Variants in CD109 observed in about 807,000 individuals in gnomAD.
The protein encoded by CD109 is CD109 molecule, also known as CD109 antigen.
In CD109, 149 loss-of-function variants were observed where a neutral mutation model predicts 165.8. The ratio of observed to expected loss-of-function variants is 0.90; its 90% CI spans 0.79 to 1.03. The LOEUF (loss-of-function observed/expected upper bound fraction) is 1.03. Among genes scored for constraint, CD109 ranks in the 50% least tolerant of loss-of-function variants. The pLI, the probability that CD109 is intolerant of heterozygous loss-of-function variation, is 0.00. For synonymous variants in CD109, 585 were observed against 592.1 expected (o/e 0.99, Z 0.18); for missense variants, 1,712 against 1,677.8 (o/e 1.02, Z -0.36).
intron 15 of CD109, among the ~76,000 whole-genome samples, chr6:73,772,627 T>G (rs1323770061): frequency 6.6e-6 from 1 of 151,568 alleles, no homozygotes; most frequent in Non-Finnish European, 1.5e-5. Flanking sequence ...TATATGAACA[T>G]CTAGCATTGC....
At chr6:73,698,846 A>G (rs1770953736) in intron 2 of CD109, among the ~76,000 whole-genome samples, 1 of 152,210 alleles carries the variant, frequency 6.6e-6, no homozygotes, top group African/African-American at 2.4e-5. Context: ...CTTTGCTACT[A>G]GTTGTATGAT....
chr6:73,722,756 T>C (rs1772005871), intron 2 of CD109, among the ~76,000 whole-genome samples: 2 of 152,186 alleles, frequency 1.3e-5, no homozygotes, highest in Admixed American at 6.5e-5. Flanking sequence ...AGCAGTCCTA[T>C]GTATAGAAAC....
At chr6:73,791,136 CATATATATATATATATATATATATAT>C (rs61429872) in intron 22 of CD109, among the ~76,000 whole-genome samples, 1,107 of 56,350 alleles carry the variant, frequency 0.02, 90 homozygotes, top group South Asian at 0.029. Flanking sequence ...TACATACATA[CATATATATATATATATATATATATAT>C]ATATATATAT....
intron 2 of CD109, among the ~76,000 whole-genome samples, chr6:73,701,643 C>G (rs1180985883): frequency 6.6e-6 from 1 of 152,144 alleles, no homozygotes; most frequent in Non-Finnish European, 1.5e-5. Context: ...TTTATTTTCC[C>G]TTCTCTTGCT....
intron 31 of CD109, 93 bp downstream of exon 31, chr6:73,818,628 T>C: frequency 8.2e-7 from 1 of 1,222,814 alleles, no homozygotes; most frequent in South Asian, 1.4e-5. Context: ...CTTTAATTCA[T>C]TGTTATTTCA....
At position 73,783,785 on chromosome 6, in the gene CD109, T is replaced by G. The variant is rs1328044858; in HGVS notation, c.2184T>G (p.Ser728=). ...TSWVATGFVI[S]EDLGLGLTTT... ...GGGTGGCTACTGGTTTTGTGATCTCTGAGGACCTGGGTCTTGGACTAACAA... is the reference window on the plus strand; with the variant it reads ...GGGTGGCTACTGGTTTTGTGATCTCGGAGGACCTGGGTCTTGGACTAACAA... Residue 728 remains serine, a synonymous_variant, in exon 19 of 33, where the codon TCT becomes TCG. Coordinates refer to ENST00000287097, the MANE Select transcript of CD109 (RefSeq NM_133493.5). 1.2e-6 allele frequency: 2 copies of G among 1,612,220 alleles called. No homozygotes were observed. Among genetic ancestry groups the G allele is most frequent in the Admixed American group, 3.3e-5 (2 of 59,982 alleles).
the CD109 span, among the ~76,000 whole-genome samples, chr6:73,683,691 C>A: frequency 2.0e-5 from 3 of 152,060 alleles, no homozygotes; most frequent in East Asian, 3.9e-4. Context: ...GGGCAATTTA[C>A]AAAAGAAAGA....
upstream of CD109, chr6:73,696,088 C>A: frequency 1.2e-6 from 1 of 845,448 alleles, no homozygotes; most frequent in Non-Finnish European, 1.9e-6. Context: ...CTGTTAGGCG[C>A]GCCCATTTCA....
At chr6:73,738,825 C>T (rs1772642620) in intron 5 of CD109, among the ~76,000 whole-genome samples, 2 of 152,218 alleles carry the variant, frequency 1.3e-5, no homozygotes, top group African/African-American at 4.8e-5. Context: ...AGCCTTTCAT[C>T]ATGCTGTTCC....
rs758558743 is a variant in CD109, at chr6:73,762,415, G to A, written c.790G>A (p.Val264Ile). 1.1e-5 allele frequency: 18 copies of A among 1,610,808 alleles called. No homozygotes were observed. In the East Asian group the frequency reaches 2.2e-4, roughly 20 times the overall value. Residue 264 changes from valine (V) to isoleucine (I), a missense_variant, in exon 8 of 33, where the codon GTA (valine) becomes ATA (isoleucine). Coordinates refer to ENST00000287097, the MANE Select transcript of CD109 (RefSeq NM_133493.5). ...YTYGKPVKGDVTLTFLPLSFW... is the reference protein window; with the variant it reads ...YTYGKPVKGDITLTFLPLSFW... ...ATATGGGAAGCCAGTGAAAGGAGAC[G>A]TAACGCTTACATTTTTACCTTTATC... is the stretch of plus-strand genomic sequence containing the variant.
At chr6:73,708,721 G>T (rs1771402437) in intron 2 of CD109, among the ~76,000 whole-genome samples, 1 of 152,144 alleles carries the variant, frequency 6.6e-6, no homozygotes, top group African/African-American at 2.4e-5. Context: ...TCTCATTGTG[G>T]TTTTGATTTG....
intron 7 of CD109, among the ~76,000 whole-genome samples, chr6:73,761,831 T>C (rs1180883059): frequency 6.6e-6 from 1 of 152,010 alleles, no homozygotes; most frequent in East Asian, 1.9e-4. Context: ...AGGATCACCG[T>C]TTATTAAAGA....
rs554095035 is a variant in CD109 at position 73,788,043 on chromosome 6, A to G, written c.2557-425A>G. On this transcript the variant is annotated intron_variant, in intron 21 of 32. Transcript: ENST00000287097. ...GGCCAGTCCATGAGATGCCTTATCTAATTTAACTAGAACTTACTAACAGAT... is the reference window on the plus strand; with the variant it reads ...GGCCAGTCCATGAGATGCCTTATCTGATTTAACTAGAACTTACTAACAGAT... Among the ~76,000 whole-genome samples the G allele has an allele frequency of 2.6e-5, 4 of 152,292 alleles. No individual in the cohort carries two copies. In the East Asian group the frequency reaches 7.7e-4, roughly 29 times the overall value.
intron 23 of CD109, among the ~76,000 whole-genome samples, chr6:73,798,205 C>G (rs903741462): frequency 1.3e-5 from 2 of 151,602 alleles, no homozygotes; most frequent in Non-Finnish European, 2.9e-5. Context: ...ACCTCCGCCT[C>G]CCAGGTTCAA....
chr6:73,769,963 A>T (rs932609665), intron 14 of CD109, among the ~76,000 whole-genome samples: 3 of 152,230 alleles, frequency 2.0e-5, no homozygotes, highest in Non-Finnish European at 4.4e-5. Flanking sequence ...AGAGATGATA[A>T]ACTCAACTCT....
upstream of CD109, chr6:73,694,500 T>C (rs1284138936): frequency 6.6e-6 from 1 of 152,260 alleles, no homozygotes; most frequent in Non-Finnish European, 1.5e-5. Flanking sequence ...GTCCCTCTTA[T>C]GTTTGCCTAC....
At chr6:73,716,321 T>C (rs1771743721) in intron 2 of CD109, among the ~76,000 whole-genome samples, 1 of 152,220 alleles carries the variant, frequency 6.6e-6, no homozygotes, top group South Asian at 2.1e-4. Context: ...GATTGTATGG[T>C]AGCTCTATTT....
rs138927735 is a variant in CD109 at position 73,777,430 on chromosome 6, A to G, written c.1828-2994A>G. 6.4e-3 allele frequency among the ~76,000 whole-genome samples: 973 copies of G among 152,006 alleles called. 7 individuals carry two copies. Among genetic ancestry groups the G allele is most frequent in the African/African-American group, 0.022 (913 of 41,442 alleles). ...TCACTGTGCAGATCTCTTTCATTTAATTTGATCCCATTTGTCAATTTTTGC... is the reference window on the plus strand; with the variant it reads ...TCACTGTGCAGATCTCTTTCATTTAGTTTGATCCCATTTGTCAATTTTTGC... On this transcript the variant is annotated intron_variant, in intron 15 of 32. Transcript: ENST00000287097.
the CD109 span, among the ~76,000 whole-genome samples, chr6:73,682,304 G>A: frequency 6.6e-6 from 1 of 152,226 alleles, no homozygotes; most frequent in Middle Eastern, 3.4e-3. Flanking sequence ...TTCCAAATTG[G>A]AGAAATTGGC....
Sources: gnomAD v4.1 joint callset for allele counts (sites outside exome capture counted in the v4.1 genomes callset) on GRCh38, gnomAD v4.1.1 for gene constraint, MANE v1.5 for transcripts, NCBI Gene and HGNC (gene_info 2026-07-23, HGNC 2026-07-21) for gene names.